Variants in EPAS1 observed in about 807,000 individuals in gnomAD.
EPAS1 encodes the protein endothelial PAS domain protein 1, also known as endothelial PAS domain-containing protein 1.
EPAS1 carries 23 observed loss-of-function variants against 87.9 expected under a neutral mutation model. The ratio of observed to expected loss-of-function variants is 0.26; its 90% confidence interval spans 0.19 to 0.37. EPAS1 has a LOEUF of 0.37. EPAS1 is among the 10% of genes least tolerant of loss of function. EPAS1 has a pLI of 1.00. For synonymous variants in EPAS1, 508 were observed against 444.3 expected, an observed-to-expected ratio of 1.14 and a Z score of -1.80; for missense variants, 1,138 against 1,120.7, an observed-to-expected ratio of 1.02 and a Z score of -0.22.
chr2:46,358,655 T>C (rs1470848914), intron 4 of EPAS1, among the ~76,000 whole-genome samples: 1 of 152,220 alleles, frequency 6.6e-6, no homozygotes, highest in Non-Finnish European at 1.5e-5. Context: ...TCAAGTGCCA[T>C]GATTCACAGC....
intron 7 of EPAS1, among the ~76,000 whole-genome samples, chr2:46,373,181 T>A (rs1331443149): frequency 6.6e-6 from 1 of 152,202 alleles, no homozygotes; most frequent in Non-Finnish European, 1.5e-5. Context: ...CAGGGTTTTG[T>A]TTAAAAGATT....
rs1410887218 is a variant in EPAS1 at position 46,378,090 on chromosome 2, G to A, written c.1443+3G>A. On this transcript the variant is annotated splice_donor_region_variant and intron_variant, in intron 10 of 15. Transcript: ENST00000263734. ...GCAGCAGCAGCAGCTGCTCCACGGT[G>A]AGCAGCCCTCTTATGGCGAGGACAC... The A allele has an allele frequency of 3.1e-6, 5 of 1,596,514 alleles. No homozygotes were observed. Among genetic ancestry groups the A allele is most frequent in the Non-Finnish European group, 4.3e-6 (5 of 1,172,816 alleles).
In EPAS1 at chr2:46,361,002, C is replaced by T. The variant is rs2103637087; in HGVS notation, c.691C>T (p.His231Tyr). 1 of 1,614,172 alleles carries T rather than the reference C, an allele frequency of 6.2e-7. No homozygotes were observed. The highest frequency in any genetic ancestry group is 8.5e-7 in the Non-Finnish European group (1 of 1,180,026). ...CATCATCATGTGTGAACCAATCCAG[C>T]ACCCATCCCACATGGACATCCCCCT... The part of the protein sequence containing the change: ...CLIIMCEPIQ[H>Y]PSHMDIPLDS... Residue 231 changes from histidine to tyrosine, a missense_variant, in exon 6 of 16, where the codon CAC becomes TAC. Around this residue, in one of 4 missense-constraint regions of EPAS1, gnomAD observed 351 missense variants for 417.1 expected, o/e 0.84. Transcript: ENST00000263734.
chr2:46,361,290 CAG>C (rs2103637880), intron 6 of EPAS1, among the ~76,000 whole-genome samples, 200 bp downstream of exon 6: 1 of 152,300 alleles, frequency 6.6e-6, no homozygotes, highest in African/African-American at 2.4e-5. Context: ...CTCCCATTGA[CAG>C]AGCCTCAGGG....
In EPAS1 at chr2:46,380,180, G is replaced by A. The variant is rs1416545757; in HGVS notation, c.1555-47G>A. The A allele has an allele frequency of 1.2e-6, 2 of 1,601,022 alleles. No homozygotes were observed. Among genetic ancestry groups the A allele is most frequent in the Non-Finnish European group, 1.7e-6 (2 of 1,179,938 alleles). ...AGCTGAGTTGGAATAGTGTTTGTGAGGTCGTACCAACCCCCTTGCCTCTTT... is the reference window on the plus strand; with the variant it reads ...AGCTGAGTTGGAATAGTGTTTGTGAAGTCGTACCAACCCCCTTGCCTCTTT... On this transcript the variant is annotated intron_variant, in intron 11 of 15. Coordinates refer to ENST00000263734, the MANE Select transcript of EPAS1 (RefSeq NM_001430.5). This position sits in a 1 kb window ranked among gnomAD's most constrained non-coding sequence, Gnocchi z 4.4.
intron 1 of EPAS1, among the ~76,000 whole-genome samples, chr2:46,344,019 C>A (rs1348177216): frequency 6.6e-6 from 1 of 152,210 alleles, no homozygotes; most frequent in Non-Finnish European, 1.5e-5. Flanking sequence ...GACTATAAAC[C>A]CTTAAATGGC....
intron 1 of EPAS1, among the ~76,000 whole-genome samples, chr2:46,304,872 A>ATTAT (rs1456990663): frequency 1.3e-5 from 2 of 152,252 alleles, no homozygotes; most frequent in African/African-American, 4.8e-5. Flanking sequence ...TAGGGGGATA[A>ATTAT]AGAATAGCTA....
Position 46,356,354 on chromosome 2 carries a change from T to C in EPAS1, c.369+52T>C, listed in dbSNP as rs767626864. ...AAGAAGAAATGTTTCCATTTGGGGG[T>C]AGAAATGAGTGGAAGGTGCTAGCCA... On this transcript the variant is annotated intron_variant, in intron 3 of 15. Coordinates refer to ENST00000263734, the MANE Select transcript of EPAS1 (RefSeq NM_001430.5). 9 of 1,608,000 alleles carry C rather than the reference T, an allele frequency of 5.6e-6. No individual in the cohort carries two copies. The South Asian group carries it at 6.6e-5, about 12-fold the overall frequency.
chr2:46,297,985 C>T (rs1471767842), intron 1 of EPAS1, 48 bp downstream of exon 1: 12 of 1,603,856 alleles, frequency 7.5e-6, no homozygotes, highest in East Asian at 6.7e-5. Flanking sequence ...AGGCCAGGGC[C>T]GGGCTGCGCG....
chr2:46,375,178 G>GAAA lies in EPAS1; in HGVS notation c.887-503_887-501dup, dbSNP rs750659594. Among the ~76,000 whole-genome samples, 117 of 117,514 alleles carry GAAA rather than the reference G, an allele frequency of 1.0e-3. 4 individuals are homozygous for GAAA. The highest frequency in any genetic ancestry group is 1.6e-3 in the East Asian group (7 of 4,298). The allele number at this position is 117,514 out of a possible 152,430, so 77.1% of individuals were successfully genotyped here. A position where few individuals can be genotyped will look rare whatever the true frequency, so the allele number is the denominator to read the frequency against. On this transcript the variant is annotated intron_variant, in intron 7 of 15. Coordinates refer to ENST00000263734, the MANE Select transcript of EPAS1 (RefSeq NM_001430.5). The surrounding 1 kb of genome is among the most constrained non-coding windows in gnomAD (Gnocchi z 4.1). ...GCAGGGTATTGGTGGTGGGTCTGCT[G>GAAA]AAAAAAAAAAACAAAAAAAAACAAA...
intron 4 of EPAS1, among the ~76,000 whole-genome samples, chr2:46,358,106 G>T (rs1407389077): frequency 6.6e-6 from 1 of 152,196 alleles, no homozygotes; most frequent in African/African-American, 2.4e-5. Context: ...AGCCTACAAG[G>T]TTTGGCTCTT....
Position 46,347,034 on chromosome 2 carries a change from T to A in EPAS1, c.188T>A (p.Phe63Tyr), listed in dbSNP as rs781102502. The change falls in exon 2 of 16, where the codon TTC becomes TAC. Residue 63 changes from phenylalanine (F) to tyrosine (Y), a missense_variant. Physicochemically the swap from Phe to Tyr is conservative, Grantham distance 22. Coordinates refer to ENST00000263734, the MANE Select transcript of EPAS1 (RefSeq NM_001430.5). This position sits in a 1 kb window ranked among gnomAD's most constrained non-coding sequence, Gnocchi z 4.2. ...KASIMRLAIS[F>Y]LRTHKLLSSV... ...TCCATCATGCGACTGGCAATCAGCTTCCTGCGAACACACAAGCTCCTCTCC... is the reference window on the plus strand; with the variant it reads ...TCCATCATGCGACTGGCAATCAGCTACCTGCGAACACACAAGCTCCTCTCC... 4 of 1,614,180 alleles carry A rather than the reference T, an allele frequency of 2.5e-6. No homozygotes were observed. In the South Asian group the frequency reaches 4.4e-5, roughly 18 times the overall value.
At chr2:46,310,765 G>A (rs1347713348) in intron 1 of EPAS1, among the ~76,000 whole-genome samples, 1 of 152,274 alleles carries the variant, frequency 6.6e-6, no homozygotes, top group Non-Finnish European at 1.5e-5. Flanking sequence ...GTAGAGGCCA[G>A]CGGGTCTCAT....
chr2:46,384,948 A>G lies in EPAS1; in HGVS notation c.*288A>G. On this transcript the variant is annotated 3_prime_UTR_variant, in exon 16 of 16. Coordinates refer to ENST00000263734, the MANE Select transcript of EPAS1 (RefSeq NM_001430.5). ...ATGACTTCTAATTTATATTATCCAT[A>G]GGTTTCTCTCCCTCCTTCTCCTTCT... The G allele has an allele frequency of 2.2e-6, 1 of 446,568 alleles. No individual in the cohort carries two copies. Among genetic ancestry groups the G allele is most frequent in the Non-Finnish European group, 4.2e-6 (1 of 240,850 alleles). 27.7% of individuals were successfully genotyped at this position (446,568 alleles called of 1,614,324 possible). A position where few individuals can be genotyped will look rare whatever the true frequency, so the allele number is the denominator to read the frequency against.
Position 46,297,952 on chromosome 2 carries a change from G to T in EPAS1, c.26+15G>T. ...GAGAAGAAAAGGTAAGCGGGCGTCC[G>T]GGCCGATCAGGGGGCCGGTCCGAGG... On this transcript the variant is annotated intron_variant, in intron 1 of 15. Transcript: ENST00000263734. 6.2e-7 allele frequency: 1 copy of T among 1,611,670 alleles called. No homozygotes were observed. Among genetic ancestry groups the T allele is most frequent in the East Asian group, 2.2e-5 (1 of 44,790 alleles).
intron 1 of EPAS1, among the ~76,000 whole-genome samples, chr2:46,307,830 C>T (rs1012625760): frequency 1.3e-5 from 2 of 152,168 alleles, no homozygotes; most frequent in African/African-American, 2.4e-5. Context: ...GCCTCCTCAG[C>T]GGGATTGTCC....
chr2:46,362,996 GTGGTGGTGGTGGTGGTGGTGGTGA>G (rs1300657056), intron 6 of EPAS1, among the ~76,000 whole-genome samples: 1 of 142,922 alleles, frequency 7.0e-6, no homozygotes, highest in Non-Finnish European at 1.5e-5. Flanking sequence ...GGTGGTGGTG[GTGGTGGTGGTGGTGGTGGTGGTGA>G]TAATGATGGT....
chr2:46,309,299 G>C (rs910660914), intron 1 of EPAS1, among the ~76,000 whole-genome samples: 1 of 152,218 alleles, frequency 6.6e-6, no homozygotes, highest in Non-Finnish European at 1.5e-5. Context: ...TGTACGGTGA[G>C]GTTACAAAGA....
intron 1 of EPAS1, among the ~76,000 whole-genome samples, chr2:46,337,920 TGTGCCAGCTGAGGGGCTGGC>T (rs2104864112): frequency 6.6e-6 from 1 of 152,296 alleles, no homozygotes; most frequent in South Asian, 2.1e-4. Context: ...AGGGGGCTGG[TGTGCCAGCTGAGGGGCTGGC>T]CTCAGGCAAA....
Sources: allele counts gnomAD v4.1 joint callset (sites outside exome capture counted in the v4.1 genomes callset), GRCh38; gene constraint gnomAD v4.1.1; regional missense constraint gnomAD v4.1.1; non-coding constraint Gnocchi (gnomAD v3.1); transcripts MANE v1.5; gene names NCBI Gene and HGNC (gene_info 2026-07-23, HGNC 2026-07-21).